Variants in GLRA2 observed in about 807,000 individuals in gnomAD.
GLRA2 encodes glycine receptor alpha 2.
A neutral mutation model predicts 31.6 loss-of-function variants in GLRA2; 11 were observed. That is an observed-to-expected ratio of 0.35 (90% CI 0.22 to 0.58). The LOEUF (loss-of-function observed/expected upper bound fraction) is 0.58, where lower values mean the gene tolerates loss of function less well. GLRA2 is among the 20% of genes least tolerant of loss of function. The pLI, the probability that GLRA2 is intolerant of heterozygous loss-of-function variation, is 0.84. For missense variants in GLRA2, 212 were observed against 351.8 expected, an observed-to-expected ratio of 0.60 and a Z score of 3.18; for synonymous variants, 132 against 134.0, an observed-to-expected ratio of 0.99 and a Z score of 0.10.
intron 8 of GLRA2, among the ~76,000 whole-genome samples, chrX:14,728,703 G>A (rs1043763329): frequency 8.9e-6 from 1 of 112,225 alleles, no homozygotes; most frequent in African/African-American, 3.2e-5. Context: ...CAAGGACTGC[G>A]TTGAACTCTT....
intron 4 of GLRA2, among the ~76,000 whole-genome samples, chrX:14,582,851 C>T (rs1378313749): frequency 9.0e-6 from 1 of 111,554 alleles, no homozygotes; most frequent in East Asian, 2.8e-4. Context: ...CAAAAGCAGC[C>T]ATAGGTAATA....
chrX:14,674,631 C>T (rs770870441), intron 7 of GLRA2, among the ~76,000 whole-genome samples: 1 of 111,923 alleles, frequency 8.9e-6, no homozygotes, highest in Admixed American at 9.5e-5. Context: ...TTTCCAAATT[C>T]ATTGGTCATT....
intron 3 of GLRA2, among the ~76,000 whole-genome samples, chrX:14,580,897 A>G (rs2090009237): frequency 9.0e-6 from 1 of 111,667 alleles, no homozygotes; most frequent in African/African-American, 3.3e-5. Flanking sequence ...TAGCAAAATC[A>G]GCTTTAGTAT....
At position 14,537,253 on chromosome X, in the gene GLRA2, A is replaced by G. The variant is rs926675510; in HGVS notation, c.202+4881A>G. Among the ~76,000 whole-genome samples, 3 of 111,969 alleles carry G rather than the reference A, an allele frequency of 2.7e-5. No homozygotes were observed. In the Admixed American group the frequency reaches 2.9e-4, roughly 11 times the overall value. ...TTTGTATATGCAATAGAATGTCCCT[A>G]AAAGATACACAAAAGAGTGGAAATA... is the stretch of plus-strand genomic sequence containing the variant. On this transcript the variant is annotated intron_variant, in intron 2 of 8. Coordinates refer to ENST00000218075, the MANE Select transcript of GLRA2 (RefSeq NM_002063.4).
At chrX:14,645,614 A>G (rs902296507) in intron 7 of GLRA2, among the ~76,000 whole-genome samples, 4 of 111,702 alleles carry the variant, frequency 3.6e-5, no homozygotes, top group African/African-American at 1.3e-4. Context: ...ACAACTCTAA[A>G]TTCATTATCT....
At chrX:14,580,784 G>A (rs2090008231) in intron 3 of GLRA2, among the ~76,000 whole-genome samples, 1 of 111,890 alleles carries the variant, frequency 8.9e-6, no homozygotes, top group Non-Finnish European at 1.9e-5. Flanking sequence ...TCAGCAGAAA[G>A]GGATCAGAGA....
At chrX:14,513,369 A>G in the GLRA2 span, among the ~76,000 whole-genome samples, 1 of 111,966 alleles carries the variant, frequency 8.9e-6, no homozygotes, top group Non-Finnish European at 1.9e-5. Context: ...CAAAGACTTC[A>G]TGACCAAGAA....
At chrX:14,542,992 G>A (rs1394211996) in intron 2 of GLRA2, among the ~76,000 whole-genome samples, 1 of 110,016 alleles carries the variant, frequency 9.1e-6, no homozygotes, top group Non-Finnish European at 1.9e-5. Context: ...CTCCCTACAG[G>A]TTAAGACCTA....
At chrX:14,609,684 A>G (rs968339811) in intron 7 of GLRA2, among the ~76,000 whole-genome samples, 17 of 111,795 alleles carry the variant, frequency 1.5e-4, no homozygotes, top group Non-Finnish European at 2.6e-4. Flanking sequence ...TATATGTAAG[A>G]AATTAATGTA....
the GLRA2 span, among the ~76,000 whole-genome samples, chrX:14,479,709 CT>C: frequency 9.0e-6 from 1 of 111,551 alleles, no homozygotes. Flanking sequence ...CAATTTCAGT[CT>C]TTTTTATGGC....
rs766117674 is a variant in GLRA2, at chrX:14,718,123, T to C, written c.1081-12084T>C. Reference sequence around the variant, plus strand: ...GTTCTTCAGGGATATGATTGATTCCTATAGTAGGGTGGATATAGGAGCCTT... The same window carrying C: ...GTTCTTCAGGGATATGATTGATTCCCATAGTAGGGTGGATATAGGAGCCTT... On this transcript the variant is annotated intron_variant, in intron 8 of 8. Coordinates refer to ENST00000218075, the MANE Select transcript of GLRA2 (RefSeq NM_002063.4). Among the ~76,000 whole-genome samples the C allele has an allele frequency of 5.4e-5, 6 of 111,366 alleles. No individual in the cohort carries two copies. The East Asian group carries it at 1.7e-3, about 32-fold the overall frequency.
At chrX:14,496,603 C>T in the GLRA2 span, among the ~76,000 whole-genome samples, 1 of 111,920 alleles carries the variant, frequency 8.9e-6, no homozygotes, top group African/African-American at 3.2e-5. Context: ...ATTGTAAATC[C>T]AACATGTTTT....
intron 2 of GLRA2, among the ~76,000 whole-genome samples, chrX:14,553,731 C>T (rs1288361743): frequency 9.0e-6 from 1 of 111,549 alleles, no homozygotes; most frequent in East Asian, 2.8e-4. Context: ...ATTAGTGTCT[C>T]CTGAGAGTAC....
chrX:14,533,067 T>A (rs1285308141), intron 2 of GLRA2, among the ~76,000 whole-genome samples: 1 of 111,277 alleles, frequency 9.0e-6, no homozygotes, highest in East Asian at 2.8e-4. Flanking sequence ...TTTAAATATA[T>A]TTAGTTTATT....
chrX:14,459,349 A>G, the GLRA2 span, among the ~76,000 whole-genome samples: 1 of 111,030 alleles, frequency 9.0e-6, no homozygotes, highest in African/African-American at 3.3e-5. Flanking sequence ...TTGACTTGGC[A>G]ATGAGGGCTC....
At chrX:14,471,668 A>C in the GLRA2 span, among the ~76,000 whole-genome samples, 3 of 112,414 alleles carry the variant, frequency 2.7e-5, no homozygotes, top group Admixed American at 1.9e-4. Flanking sequence ...TAGATGGTCC[A>C]ATTTGCACAG....
the GLRA2 span, among the ~76,000 whole-genome samples, chrX:14,496,205 T>C: frequency 6.5e-4 from 72 of 111,545 alleles, 1 homozygote; most frequent in African/African-American, 2.3e-3. Context: ...CATATTGACA[T>C]AGAGGGACTG....
chrX:14,505,735 A>C, the GLRA2 span, among the ~76,000 whole-genome samples: 7 of 111,477 alleles, frequency 6.3e-5, no homozygotes, highest in African/African-American at 2.3e-4. Flanking sequence ...CATTTTTTTC[A>C]AATAAAACCT....
At chrX:14,663,451 A>C (rs2091010804) in intron 7 of GLRA2, among the ~76,000 whole-genome samples, 1 of 110,369 alleles carries the variant, frequency 9.1e-6, no homozygotes, top group African/African-American at 3.3e-5. Flanking sequence ...AACCTAATGT[A>C]TGAAAGAAAA....
Sources: gnomAD v4.1 joint callset for allele counts (sites outside exome capture counted in the v4.1 genomes callset) on GRCh38, gnomAD v4.1.1 for gene constraint, MANE v1.5 for transcripts, NCBI Gene and HGNC (gene_info 2026-07-23, HGNC 2026-07-21) for gene names.